The following FOXP2 variants were observed in gnomAD, a reference collection of about 807,000 sequenced individuals.
The protein encoded by FOXP2 is forkhead box protein P2.
Under a neutral mutation model 115.8 loss-of-function variants are expected in FOXP2, and 12 were observed. The observed-to-expected ratio is 0.10, with a 90% CI of 0.07 to 0.17. The LOEUF (loss-of-function observed/expected upper bound fraction) is 0.17. FOXP2 is among the 10% of genes least tolerant of loss of function. The probability of loss-of-function intolerance (pLI) is 1.00; values close to 1 mark genes in which losing one functional copy is unlikely to be tolerated. For synonymous variants in FOXP2, 328 were observed against 297.7 expected, an observed-to-expected ratio of 1.10 and a Z score of -1.05; for missense variants, 629 against 843.5, an observed-to-expected ratio of 0.75 and a Z score of 3.15.
At chr7:114,261,159 T>G (rs1296296303) in intron 1 of FOXP2, among the ~76,000 whole-genome samples, 1 of 152,194 alleles carries the variant, frequency 6.6e-6, no homozygotes, top group East Asian at 1.9e-4. Flanking sequence ...ATTAATGAAT[T>G]AATGTTTATA....
At chr7:114,274,531 T>C (rs1302520679) in intron 1 of FOXP2, among the ~76,000 whole-genome samples, 1 of 151,314 alleles carries the variant, frequency 6.6e-6, no homozygotes, top group African/African-American at 2.4e-5. Context: ...TCTTATAAAA[T>C]ATTTTTCCTT....
At chr7:114,658,447 T>C (rs1044130043) in intron 11 of FOXP2, among the ~76,000 whole-genome samples, 180 bp downstream of exon 11, 1 of 152,118 alleles carries the variant, frequency 6.6e-6, no homozygotes, top group Non-Finnish European at 1.5e-5. Context: ...TCATGATGAA[T>C]TGTTCTGAAT....
rs1469577363 is a variant in FOXP2 at position 114,677,187 on chromosome 7, C to CAAAAAACA, written c.2004-12589_2004-12588insCAAAAAAA. On this transcript the variant is annotated intron_variant, in intron 16 of 16. Coordinates refer to ENST00000350908, the MANE Select transcript of FOXP2 (RefSeq NM_014491.4). ...TCTCAAAAAACAAAAAAAAAAAAAA[C>CAAAAAACA]AAAAAAAACAAACTTAAGACTTAAA... is the stretch of plus-strand genomic sequence containing the variant. 6.7e-5 allele frequency among the ~76,000 whole-genome samples: 9 copies of CAAAAAACA among 134,234 alleles called. No homozygotes were observed. In the East Asian group the frequency reaches 1.5e-3, roughly 22 times the overall value. 88.1% of individuals were successfully genotyped at this position (134,234 alleles called of 152,430 possible). A position where few individuals can be genotyped will look rare whatever the true frequency, so the allele number is the denominator to read the frequency against.
chr7:114,649,753 A>G (rs1266410101), intron 8 of FOXP2, among the ~76,000 whole-genome samples: 1 of 152,032 alleles, frequency 6.6e-6, no homozygotes, highest in East Asian at 1.9e-4. Context: ...AGGAAAGGAG[A>G]AGGGAGATGT....
In FOXP2 at chr7:114,262,383, C is replaced by T. The variant is rs141527760; in HGVS notation, c.-101-25636C>T. On this transcript the variant is annotated intron_variant, in intron 1 of 17. Coordinates refer to the FOXP2 transcript ENST00000634411. ...GGCTTGGAGTGAGCTATGATCACAT[C>T]ATTGCACTCCAGCCTAGGTGACAGT... Among the ~76,000 whole-genome samples, 397 of 152,164 alleles carry T rather than the reference C, an allele frequency of 2.6e-3. 3 individuals are homozygous for T. Among genetic ancestry groups the T allele is most frequent in the African/African-American group, 9.2e-3 (382 of 41,498 alleles).
intron 1 of FOXP2, among the ~76,000 whole-genome samples, chr7:114,122,931 C>A (rs1229425316): frequency 1.3e-5 from 2 of 151,802 alleles, no homozygotes; most frequent in Non-Finnish European, 2.9e-5. Flanking sequence ...ACATTTTTTT[C>A]ACAGATTTAT....
chr7:114,403,885 G>A (rs900850079), intron 2 of FOXP2, among the ~76,000 whole-genome samples: 3 of 152,182 alleles, frequency 2.0e-5, no homozygotes, highest in South Asian at 2.1e-4. Context: ...GCAATTCCCC[G>A]GGGACCAAAA....
At chr7:114,596,663 G>C (rs1324223281) in intron 3 of FOXP2, among the ~76,000 whole-genome samples, 1 of 152,038 alleles carries the variant, frequency 6.6e-6, no homozygotes, top group East Asian at 1.9e-4. Context: ...TCGGCATCTT[G>C]AATGTCCCAT....
chr7:114,178,732 C>T (rs1793380562), intron 1 of FOXP2, among the ~76,000 whole-genome samples: 2 of 151,810 alleles, frequency 1.3e-5, no homozygotes, highest in South Asian at 2.1e-4. Context: ...AATTAGTTTA[C>T]GTGTTACTAT....
At chr7:114,189,400 T>G (rs1358531448) in intron 1 of FOXP2, among the ~76,000 whole-genome samples, 1 of 152,188 alleles carries the variant, frequency 6.6e-6, no homozygotes, top group Non-Finnish European at 1.5e-5. Context: ...ATTCCAGTAA[T>G]GTATAGATTT....
At chr7:114,189,218 C>A (rs1042014519) in intron 1 of FOXP2, among the ~76,000 whole-genome samples, 1 of 152,110 alleles carries the variant, frequency 6.6e-6, no homozygotes, top group Non-Finnish European at 1.5e-5. Flanking sequence ...AATTCATGTA[C>A]ATAGATTTAA....
upstream of FOXP2, chr7:114,086,623 G>A: frequency 2.5e-6 from 1 of 398,640 alleles, no homozygotes; most frequent in South Asian, 1.7e-5. Flanking sequence ...TAAGTTTCTT[G>A]GCCCTCACTC....
intron 2 of FOXP2, among the ~76,000 whole-genome samples, chr7:114,480,525 A>G (rs1025519435): frequency 2.7e-5 from 4 of 150,918 alleles, no homozygotes; most frequent in African/African-American, 4.8e-5. Context: ...GATTTTATAT[A>G]TATATGCACA....
chr7:114,674,943 T>A (rs971149337), intron 16 of FOXP2, among the ~76,000 whole-genome samples: 1 of 152,134 alleles, frequency 6.6e-6, no homozygotes, highest in Non-Finnish European at 1.5e-5. Flanking sequence ...TTTAAAACTA[T>A]TAATATGATT....
chr7:114,384,100 C>T (rs955315437), intron 2 of FOXP2, among the ~76,000 whole-genome samples: 2 of 151,726 alleles, frequency 1.3e-5, no homozygotes, highest in African/African-American at 4.8e-5. Context: ...TGGACCTCTG[C>T]TTATCGGATT....
At chr7:114,643,138 T>G (rs1196503740) in intron 7 of FOXP2, among the ~76,000 whole-genome samples, 2 of 151,998 alleles carry the variant, frequency 1.3e-5, no homozygotes, top group Non-Finnish European at 2.9e-5. Context: ...AGAAAAGCAG[T>G]TCAAATACCA....
intron 1 of FOXP2, among the ~76,000 whole-genome samples, chr7:114,128,018 A>G (rs1216469837): frequency 6.6e-6 from 1 of 152,230 alleles, no homozygotes; most frequent in East Asian, 1.9e-4. Flanking sequence ...ATGAAAACCA[A>G]TAGTTCATGA....
At position 114,532,552 on chromosome 7, in the gene FOXP2, C is replaced by A. The variant is rs187896754; in HGVS notation, c.169-2065C>A. ...AATTGCTTTGTGATCTTGAACAAAG[C>A]AACTGACTATTCTACGTTTCATTTT... On this transcript the variant is annotated intron_variant, in intron 2 of 16. Coordinates refer to ENST00000350908, the MANE Select transcript of FOXP2 (RefSeq NM_014491.4). 2.3e-3 allele frequency among the ~76,000 whole-genome samples: 353 copies of A among 151,960 alleles called. 1 individual carries two copies. Among genetic ancestry groups the A allele is most frequent in the Non-Finnish European group, 3.4e-3 (233 of 67,862 alleles).
chr7:114,136,057 C>T (rs1792030722), intron 1 of FOXP2, among the ~76,000 whole-genome samples: 1 of 151,980 alleles, frequency 6.6e-6, no homozygotes, highest in Non-Finnish European at 1.5e-5. Context: ...AAACACAATT[C>T]TGGGGAGGCT....
Sources: gnomAD v4.1 joint callset for allele counts (sites outside exome capture counted in the v4.1 genomes callset) on GRCh38, gnomAD v4.1.1 for gene constraint, MANE v1.5 for transcripts, NCBI Gene and HGNC (gene_info 2026-07-23, HGNC 2026-07-21) for gene names.